PLEKHA4: variants seen among roughly 807,000 people sequenced by gnomAD.
PLEKHA4 encodes pleckstrin homology domain containing A4.
In PLEKHA4, 73 loss-of-function variants were observed where a neutral mutation model predicts 94.7. The ratio of observed to expected loss-of-function variants is 0.77; its 90% CI spans 0.64 to 0.94. The LOEUF (loss-of-function observed/expected upper bound fraction) is 0.94, where lower values mean the gene tolerates loss of function less well. Among genes scored for constraint, PLEKHA4 ranks in the 40% least tolerant of loss-of-function variants. PLEKHA4 has a pLI of 0.00. For synonymous variants in PLEKHA4, 449 were observed against 437.1 expected (o/e 1.03, Z -0.34); for missense variants, 1,049 against 1,054.1 (o/e 1.00, Z 0.07).
At chr19:48,856,934 G>T (rs1379503410) in intron 9 of PLEKHA4, among the ~76,000 whole-genome samples, 1 of 124,176 alleles carries the variant, frequency 8.1e-6, no homozygotes. Flanking sequence ...AGAAAGAAAA[G>T]AAAAGAAAAA....
chr19:48,855,624 A>C (rs2036374749), intron 9 of PLEKHA4, among the ~76,000 whole-genome samples: 1 of 148,692 alleles, frequency 6.7e-6, no homozygotes, highest in South Asian at 2.2e-4. Flanking sequence ...ATAAATAAAT[A>C]AATAAATAAA....
rs952379199 is a variant in PLEKHA4, at chr19:48,868,135, G to A, written c.-59C>T. ...GGCAAGAGGACGGTGTGGGTGCTGC[G>A]GCACCTAGGCAGTCTCCCGCCTCCT... On this transcript the variant is annotated 5_prime_UTR_variant, in exon 1 of 20. Transcript: ENST00000263265. 6 of 158,502 alleles carry A rather than the reference G, an allele frequency of 3.8e-5. No homozygotes were observed. The highest frequency in any genetic ancestry group is 7.2e-5 in the African/African-American group (3 of 41,522). 9.8% of individuals were successfully genotyped at this position (158,502 alleles called of 1,614,324 possible).
chr19:48,848,138 AT>A, intron 13 of PLEKHA4, 98 bp from the exon 14 acceptor site: 4 of 1,292,862 alleles, frequency 3.1e-6, no homozygotes, highest in Non-Finnish European at 2.2e-6. Context: ...GCTGGGCTAT[AT>A]TTATGGAGTT....
At chr19:48,848,622 G>C (rs181683964) in intron 13 of PLEKHA4, among the ~76,000 whole-genome samples, 1,629 of 151,414 alleles carry the variant, frequency 0.011, 14 homozygotes, top group Middle Eastern at 0.027. Context: ...GTGAACCCTC[G>C]TGTCTACTAA....
intron 18 of PLEKHA4, among the ~76,000 whole-genome samples, chr19:48,838,781 A>G (rs1336540458): frequency 6.7e-6 from 1 of 149,574 alleles, no homozygotes; most frequent in African/African-American, 2.5e-5. Flanking sequence ...AAAAAAAAAA[A>G]GTAAAAAATA....
At position 48,841,273 on chromosome 19, in the gene PLEKHA4, T is replaced by G. The variant is rs1210309511; in HGVS notation, c.1781A>C (p.Gln594Pro). 1.9e-6 allele frequency: 3 copies of G among 1,613,282 alleles called. No homozygotes were observed. Among genetic ancestry groups the G allele is most frequent in the Non-Finnish European group, 2.5e-6 (3 of 1,179,818 alleles). The change falls in exon 17 of 20, where the codon CAG becomes CCG. Residue 594 changes from glutamine to proline, a missense_variant. By Grantham distance (76) the Gln-to-Pro change is moderately conservative (BLOSUM62 -1). Transcript: ENST00000263265. The part of the protein sequence containing the change: ...VARPRMSAQE[Q>P]LERMRRNQEC... ...CTGGTTTCTGCGCATCCGCTCCAGC[T>G]GCTCCTGGGCACTCATCCGGGGCCG...
intron 16 of PLEKHA4, among the ~76,000 whole-genome samples, chr19:48,842,309 C>T (rs768973463): frequency 2.0e-4 from 30 of 151,976 alleles, no homozygotes; most frequent in Non-Finnish European, 4.4e-4. Context: ...CCACCACGCC[C>T]AGCTAATTTT....
intron 16 of PLEKHA4, among the ~76,000 whole-genome samples, chr19:48,842,143 C>CTTTT (rs398059794): frequency 1.3e-4 from 16 of 121,422 alleles, no homozygotes; most frequent in African/African-American, 3.4e-4. Context: ...AATTTATTTT[C>CTTTT]TTTTTTTTTT....
intron 17 of PLEKHA4, among the ~76,000 whole-genome samples, chr19:48,839,820 C>G (rs1041441350): frequency 6.6e-6 from 1 of 151,580 alleles, no homozygotes; most frequent in South Asian, 2.1e-4. Context: ...TCTAAGGGGC[C>G]GGGTCTGGTG....
intron 16 of PLEKHA4, 34 bp downstream of exon 16, chr19:48,845,336 G>A (rs1160023011): frequency 5.0e-6 from 8 of 1,597,188 alleles, no homozygotes; most frequent in Non-Finnish European, 6.9e-6. Flanking sequence ...CTGATGGTCA[G>A]ATGCAAGGAT....
In PLEKHA4 at chr19:48,848,011, C is replaced by G. The variant is rs910425583; in HGVS notation, c.1455G>C (p.Trp485Cys). Residue 485 changes from tryptophan (W) to cysteine (C), a missense_variant, in exon 14 of 20, where the codon TGG becomes TGC. Coordinates refer to ENST00000263265, the MANE Select transcript of PLEKHA4 (RefSeq NM_020904.3). Reference protein sequence around the residue: ...QDRVSAQQQLWMVEDTLAGLG... With the variant: ...QDRVSAQQQLCMVEDTLAGLG... Reference sequence around the variant, plus strand: ...GACCTGCCAGCGTGTCTTCCACCATCCACAGCTGCTGCTGAGCAGACACTC... The same window carrying G: ...GACCTGCCAGCGTGTCTTCCACCATGCACAGCTGCTGCTGAGCAGACACTC... The G allele has an allele frequency of 6.2e-7, 1 of 1,613,682 alleles. No homozygotes were observed. The highest frequency in any genetic ancestry group is 1.3e-5 in the African/African-American group (1 of 74,924).
chr19:48,845,854 T>C (rs1200689068), intron 14 of PLEKHA4, among the ~76,000 whole-genome samples: 2 of 150,968 alleles, frequency 1.3e-5, no homozygotes, highest in Non-Finnish European at 3.0e-5. Context: ...CTACTAAAAA[T>C]ACAAAAATTA....
At chr19:48,849,578 G>A (rs2036102435) in intron 13 of PLEKHA4, among the ~76,000 whole-genome samples, 1 of 152,166 alleles carries the variant, frequency 6.6e-6, no homozygotes, top group Non-Finnish European at 1.5e-5. Context: ...CAAAGTGCTG[G>A]GACTACAGGC....
At position 48,854,272 on chromosome 19, in the gene PLEKHA4, G is replaced by A. The variant is rs2036318389; in HGVS notation, c.1048-8C>T. 5 of 1,613,786 alleles carry A rather than the reference G, an allele frequency of 3.1e-6. No homozygotes were observed. The highest frequency in any genetic ancestry group is 4.2e-6 in the Non-Finnish European group (5 of 1,179,732). Reference sequence around the variant, plus strand: ...CTCCAGGGGAGGACCCGGCTGAAGAGAAGGAAAAAAGTCAGGGGTCAAAGG... The same window carrying A: ...CTCCAGGGGAGGACCCGGCTGAAGAAAAGGAAAAAAGTCAGGGGTCAAAGG... On this transcript the variant is annotated splice_polypyrimidine_tract_variant and splice_region_variant and intron_variant, in intron 9 of 19. Coordinates refer to ENST00000263265, the MANE Select transcript of PLEKHA4 (RefSeq NM_020904.3).
rs1240108154 is a variant in PLEKHA4 at position 48,859,451 on chromosome 19, C to T, written c.692+18G>A. The T allele has an allele frequency of 1.9e-6, 3 of 1,612,722 alleles. No individual in the cohort carries two copies. In the Admixed American group the frequency reaches 5.0e-5, roughly 27 times the overall value. ...CCTTCTCTTAGGCCACGCCCACAAC[C>T]ATGTCCTCCCTACTCACTCGGGGCT... On this transcript the variant is annotated intron_variant, in intron 7 of 19. Transcript: ENST00000263265.
intron 8 of PLEKHA4, 51 bp downstream of exon 8, chr19:48,858,809 C>T (rs372693732): frequency 4.1e-5 from 65 of 1,604,888 alleles, no homozygotes; most frequent in Non-Finnish European, 5.3e-5. Context: ...GAAAGACAGC[C>T]CTGAGGCCTG....
chr19:48,839,271 G>T lies in PLEKHA4; in HGVS notation c.1906-8C>A. On this transcript the variant is annotated splice_polypyrimidine_tract_variant and splice_region_variant and intron_variant, in intron 17 of 19. Coordinates refer to ENST00000263265, the MANE Select transcript of PLEKHA4 (RefSeq NM_020904.3). ...CGAGTGTCCTACGACAGGCTGGAAA[G>T]GAATTGGGGCATTAGAACTCCTCAC... The T allele has an allele frequency of 6.3e-7, 1 of 1,576,938 alleles. No individual in the cohort carries two copies. The highest frequency in any genetic ancestry group is 8.6e-7 in the Non-Finnish European group (1 of 1,156,548).
At chr19:48,846,846 G>A (rs1315748986) in intron 14 of PLEKHA4, among the ~76,000 whole-genome samples, 2 of 152,178 alleles carry the variant, frequency 1.3e-5, no homozygotes, top group African/African-American at 2.4e-5. Context: ...TTAGCTGTGT[G>A]ACCTTCGGCA....
At chr19:48,854,837 CA>C (rs1352196558) in intron 9 of PLEKHA4, among the ~76,000 whole-genome samples, 1 of 150,802 alleles carries the variant, frequency 6.6e-6, no homozygotes, top group East Asian at 2.0e-4. Context: ...GTAGGTGGGA[CA>C]ACAGATGCCA....
Sources: allele counts gnomAD v4.1 joint callset (sites outside exome capture counted in the v4.1 genomes callset), GRCh38; gene constraint gnomAD v4.1.1; transcripts MANE v1.5; gene names NCBI Gene and HGNC (gene_info 2026-07-23, HGNC 2026-07-21).